The following FSTL4 variants were observed in gnomAD, a reference collection of about 807,000 sequenced individuals.
FSTL4 encodes the protein follistatin like 4, also known as follistatin-related protein 4.
In FSTL4, 28 loss-of-function variants were observed where a neutral mutation model predicts 78.2. The observed-to-expected ratio is 0.36, with a 90% confidence interval of 0.27 to 0.49. FSTL4 has a LOEUF of 0.49. Ranked by LOEUF, FSTL4 falls within the 20% of genes least tolerant of loss-of-function variation. The pLI is 0.98. For synonymous variants in FSTL4, 422 were observed against 440.5 expected (o/e 0.96, Z 0.53); for missense variants, 922 against 1,084.9 (o/e 0.85, Z 2.11).
intron 4 of FSTL4, among the ~76,000 whole-genome samples, chr5:133,365,484 G>C (rs2126938212): frequency 6.6e-6 from 1 of 152,296 alleles, no homozygotes; most frequent in East Asian, 1.9e-4. Flanking sequence ...GCGGCCACCA[G>C]GGGACAGCAT....
the FSTL4 span, among the ~76,000 whole-genome samples, chr5:133,749,210 G>A: frequency 6.6e-6 from 1 of 152,184 alleles, no homozygotes; most frequent in Non-Finnish European, 1.5e-5. Context: ...ACTGGGAACC[G>A]GGGACAGGGG....
At chr5:133,783,313 A>G in the FSTL4 span, among the ~76,000 whole-genome samples, 1 of 152,244 alleles carries the variant, frequency 6.6e-6, no homozygotes, top group Non-Finnish European at 1.5e-5. Context: ...AGAAGCCAGA[A>G]GGGCTGCTTT....
chr5:133,200,996 A>G (rs1406859575), intron 15 of FSTL4, among the ~76,000 whole-genome samples: 3 of 152,188 alleles, frequency 2.0e-5, no homozygotes, highest in Non-Finnish European at 4.4e-5. Flanking sequence ...TTCATCATTT[A>G]ATATACTCTT....
chr5:133,287,472 C>T (rs1446448790), intron 6 of FSTL4, among the ~76,000 whole-genome samples: 1 of 152,064 alleles, frequency 6.6e-6, no homozygotes, highest in Non-Finnish European at 1.5e-5. Flanking sequence ...ATGACAGCTG[C>T]ATGCACATCT....
chr5:133,674,686 G>T, the FSTL4 span, among the ~76,000 whole-genome samples: 3 of 152,012 alleles, frequency 2.0e-5, no homozygotes, highest in Non-Finnish European at 4.4e-5. Context: ...GCTCCCTGGG[G>T]ATCATAGTGT....
the FSTL4 span, among the ~76,000 whole-genome samples, chr5:133,709,968 G>A: frequency 2.0e-5 from 3 of 152,180 alleles, no homozygotes; most frequent in Non-Finnish European, 1.5e-5. Context: ...ACTGAGTTTA[G>A]GAAACTACCC....
At chr5:133,452,141 G>A (rs1757396879) in intron 3 of FSTL4, among the ~76,000 whole-genome samples, 1 of 152,242 alleles carries the variant, frequency 6.6e-6, no homozygotes. Flanking sequence ...CTTGGCAGAA[G>A]AGCCTTGCCA....
intron 6 of FSTL4, among the ~76,000 whole-genome samples, chr5:133,283,638 T>C (rs1468351412): frequency 1.3e-5 from 2 of 152,148 alleles, no homozygotes; most frequent in East Asian, 3.9e-4. Context: ...CTGGAGATGT[T>C]TGACCATAAG....
chr5:133,674,039 T>G, the FSTL4 span, among the ~76,000 whole-genome samples: 31 of 152,346 alleles, frequency 2.0e-4, no homozygotes, highest in African/African-American at 7.0e-4. Context: ...ATAATTACAG[T>G]GCACGCTGTG....
intron 11 of FSTL4, among the ~76,000 whole-genome samples, chr5:133,221,459 C>A (rs1342350288): frequency 1.3e-5 from 2 of 150,804 alleles, no homozygotes; most frequent in Non-Finnish European, 3.0e-5. Context: ...GCAGCAGAAC[C>A]TACACTCCAG....
intron 11 of FSTL4, 199 bp from the exon 12 acceptor site, chr5:133,221,065 T>A (rs1751086391): frequency 1.5e-6 from 1 of 672,534 alleles, no homozygotes; most frequent in African/African-American, 1.8e-5. Context: ...CCCAGGACTA[T>A]GAATCAGTAA....
At chr5:133,682,940 G>A in the FSTL4 span, among the ~76,000 whole-genome samples, 1 of 152,130 alleles carries the variant, frequency 6.6e-6, no homozygotes, top group Non-Finnish European at 1.5e-5. Context: ...CGCAAGATTT[G>A]CTTTGGACAC....
intron 2 of FSTL4, among the ~76,000 whole-genome samples, chr5:133,572,432 T>C (rs1045416522): frequency 2.6e-5 from 4 of 152,040 alleles, no homozygotes; most frequent in Admixed American, 6.6e-5. Context: ...AATGAAAATA[T>C]GGGTATTCAT....
chr5:133,313,979 C>T (rs1048588403), intron 5 of FSTL4, among the ~76,000 whole-genome samples: 2 of 152,190 alleles, frequency 1.3e-5, no homozygotes, highest in Non-Finnish European at 2.9e-5. Flanking sequence ...AAGAGGAAAT[C>T]ATTGTCCAAT....
chr5:133,635,334 C>T, the FSTL4 span, among the ~76,000 whole-genome samples: 1 of 152,246 alleles, frequency 6.6e-6, no homozygotes, highest in Non-Finnish European at 1.5e-5. Flanking sequence ...ACTGCACTTA[C>T]ATGCTTAATA....
At chr5:133,357,497 G>A (rs939061049) in intron 4 of FSTL4, among the ~76,000 whole-genome samples, 1 of 152,186 alleles carries the variant, frequency 6.6e-6, no homozygotes, top group Non-Finnish European at 1.5e-5. Context: ...CCAATTTCTA[G>A]TTGTGTTTGG....
Position 133,225,041 on chromosome 5 carries a change from T to C in FSTL4, c.1312+109A>G. Reference sequence around the variant, plus strand: ...GAGGGATATGAGGCTTACCCCTGTCTTCACGGGCTCATGGTTGGCAGCTGT... The same window carrying C: ...GAGGGATATGAGGCTTACCCCTGTCCTCACGGGCTCATGGTTGGCAGCTGT... On this transcript the variant is annotated intron_variant, in intron 10 of 15. Coordinates refer to ENST00000265342, the MANE Select transcript of FSTL4 (RefSeq NM_015082.2). The surrounding 1 kb of genome is among the most constrained non-coding windows in gnomAD (Gnocchi z 4.6). The C allele has an allele frequency of 7.7e-7, 1 of 1,293,888 alleles. No individual in the cohort carries two copies. The highest frequency in any genetic ancestry group is 1.1e-6 in the Non-Finnish European group (1 of 905,460). The allele number at this position is 1,293,888 out of a possible 1,614,324, so 80.2% of individuals were successfully genotyped here. A position where few individuals can be genotyped will look rare whatever the true frequency, so the allele number is the denominator to read the frequency against.
chr5:133,420,123 T>C (rs1483036173), intron 3 of FSTL4, among the ~76,000 whole-genome samples: 1 of 152,194 alleles, frequency 6.6e-6, no homozygotes, highest in Non-Finnish European at 1.5e-5. Context: ...AAACTCAGTG[T>C]TATATTGAGT....
At chr5:133,417,744 G>A (rs1756604761) in intron 3 of FSTL4, among the ~76,000 whole-genome samples, 1 of 151,858 alleles carries the variant, frequency 6.6e-6, no homozygotes, top group Admixed American at 6.6e-5. Flanking sequence ...GATCACTTGA[G>A]GTCAGGAGTT....
Sources: allele counts gnomAD v4.1 joint callset (sites outside exome capture counted in the v4.1 genomes callset), GRCh38; gene constraint gnomAD v4.1.1; non-coding constraint Gnocchi (gnomAD v3.1); transcripts MANE v1.5; gene names NCBI Gene and HGNC (gene_info 2026-07-23, HGNC 2026-07-21).